The following SIM1 variants were observed in gnomAD, a reference collection of about 807,000 sequenced individuals.
SIM1 encodes the protein SIM bHLH transcription factor 1, also known as single-minded homolog 1.
In SIM1, 18 loss-of-function variants were observed where a neutral mutation model predicts 78.2. The ratio of observed to expected loss-of-function variants is 0.23; its 90% CI spans 0.16 to 0.34. The LOEUF (loss-of-function observed/expected upper bound fraction) is 0.34. Among genes scored for constraint, SIM1 ranks in the 10% least tolerant of loss-of-function variants. The pLI is 1.00. For synonymous variants in SIM1, 417 were observed against 385.2 expected (o/e 1.08, Z -0.97); for missense variants, 939 against 975.1 (o/e 0.96, Z 0.49).
chr6:100,412,563 GA>G (rs771901483), intron 10 of SIM1, among the ~76,000 whole-genome samples: 1 of 45,918 alleles, frequency 2.2e-5, no homozygotes, highest in Non-Finnish European at 4.2e-5. Context: ...AGAAAAGAAA[GA>G]AAGAAAGAAA....
intron 4 of SIM1, 86 bp downstream of exon 4, chr6:100,450,181 C>T (rs1447238243): frequency 2.4e-5 from 26 of 1,090,350 alleles, no homozygotes; most frequent in Non-Finnish European, 3.5e-5. Context: ...TAGAGAAGCA[C>T]ACCCAGCCCC....
At chr6:100,395,262 C>T (rs1158750223) in intron 10 of SIM1, among the ~76,000 whole-genome samples, 4 of 151,068 alleles carry the variant, frequency 2.6e-5, no homozygotes, top group Non-Finnish European at 5.9e-5. Context: ...ATTCCATATA[C>T]ATTCCATATA....
At chr6:100,397,273 C>A (rs1270022438) in intron 10 of SIM1, among the ~76,000 whole-genome samples, 1 of 152,192 alleles carries the variant, frequency 6.6e-6, no homozygotes, top group Non-Finnish European at 1.5e-5. Flanking sequence ...TAATCTGGAT[C>A]TGTCCACATA....
chr6:100,416,386 C>A (rs1260316865), intron 10 of SIM1, among the ~76,000 whole-genome samples: 1 of 152,124 alleles, frequency 6.6e-6, no homozygotes. Context: ...ATGCCTAATA[C>A]ATATTAGAGC....
chr6:100,390,792 G>C lies in SIM1; in HGVS notation c.1870C>G (p.Leu624Val), dbSNP rs773932645. ...TGGTCACATGGTGAAGTGTTGGCAAGAGCAGAGCCATGGCAGACTTCACCT... is the reference window on the plus strand; with the variant it reads ...TGGTCACATGGTGAAGTGTTGGCAACAGCAGAGCCATGGCAGACTTCACCT... ...PTGEVCHGSALANTSPCDHIQ... is the reference protein window; with the variant it reads ...PTGEVCHGSAVANTSPCDHIQ... Residue 624 changes from leucine (L) to valine (V), a missense_variant, in exon 12 of 12, where the codon CTT becomes GTT. Coordinates refer to ENST00000369208, the MANE Select transcript of SIM1 (RefSeq NM_005068.3). The C allele has an allele frequency of 4.3e-6, 7 of 1,614,080 alleles. No homozygotes were observed. The highest frequency in any genetic ancestry group is 5.9e-6 in the Non-Finnish European group (7 of 1,180,038).
At chr6:100,447,106 A>G (rs1489022522) in intron 9 of SIM1, among the ~76,000 whole-genome samples, 162 bp downstream of exon 9, 1 of 152,256 alleles carries the variant, frequency 6.6e-6, no homozygotes, top group Non-Finnish European at 1.5e-5. Flanking sequence ...CAAAAAGATG[A>G]AAGTGTTCGA....
At chr6:100,433,533 T>C (rs998519486) in intron 9 of SIM1, among the ~76,000 whole-genome samples, 4 of 152,176 alleles carry the variant, frequency 2.6e-5, no homozygotes, top group Non-Finnish European at 5.9e-5. Flanking sequence ...ATTATATGAC[T>C]TTTTTATTTC....
At chr6:100,440,328 A>C (rs2114530132) in intron 9 of SIM1, among the ~76,000 whole-genome samples, 1 of 152,352 alleles carries the variant, frequency 6.6e-6, no homozygotes, top group Non-Finnish European at 1.5e-5. Context: ...ACCCAGGCCC[A>C]TCTGGCACTA....
chr6:100,440,143 T>TA (rs1772170670), intron 9 of SIM1, among the ~76,000 whole-genome samples: 1 of 152,212 alleles, frequency 6.6e-6, no homozygotes, highest in Non-Finnish European at 1.5e-5. Flanking sequence ...GGCACCTGCT[T>TA]TCTGTCAGAT....
At chr6:100,396,933 A>C (rs992656196) in intron 10 of SIM1, among the ~76,000 whole-genome samples, 2 of 152,232 alleles carry the variant, frequency 1.3e-5, no homozygotes, top group African/African-American at 4.8e-5. Flanking sequence ...GACTTTATCT[A>C]ACTTGTCTTT....
At chr6:100,408,073 CT>C (rs558413875) in intron 10 of SIM1, among the ~76,000 whole-genome samples, 6 of 152,134 alleles carry the variant, frequency 3.9e-5, no homozygotes, top group African/African-American at 1.4e-4. Flanking sequence ...TGTCAAGGAG[CT>C]TTTTCCCTAT....
chr6:100,405,932 C>T (rs1256845008), intron 10 of SIM1, among the ~76,000 whole-genome samples: 2 of 152,142 alleles, frequency 1.3e-5, no homozygotes, highest in Admixed American at 6.6e-5. Context: ...TGGAGAGAGT[C>T]GTTCCCAAAC....
At chr6:100,409,254 T>C (rs1435519726) in intron 10 of SIM1, among the ~76,000 whole-genome samples, 6 of 152,180 alleles carry the variant, frequency 3.9e-5, no homozygotes, top group Admixed American at 2.0e-4. Flanking sequence ...TTCTGTGCCT[T>C]AATGATTCAG....
intron 10 of SIM1, among the ~76,000 whole-genome samples, chr6:100,405,639 C>G (rs1222303302): frequency 2.0e-5 from 3 of 152,056 alleles, no homozygotes; most frequent in Non-Finnish European, 4.4e-5. Flanking sequence ...TGTAAATTCT[C>G]TGATATATTT....
intron 9 of SIM1, among the ~76,000 whole-genome samples, chr6:100,428,520 C>CA (rs1752452432): frequency 6.6e-6 from 1 of 151,852 alleles, no homozygotes; most frequent in East Asian, 1.9e-4. Context: ...TTCAAATTAG[C>CA]AAAAAATTTT....
intron 6 of SIM1, 24 bp downstream of exon 6, chr6:100,449,339 G>A (rs929077701): frequency 6.2e-7 from 1 of 1,602,924 alleles, no homozygotes; most frequent in Non-Finnish European, 8.5e-7. Context: ...GACTCCACCC[G>A]GAGCGGATCT....
intron 9 of SIM1, among the ~76,000 whole-genome samples, chr6:100,432,291 G>A (rs1385820677): frequency 6.6e-6 from 1 of 152,190 alleles, no homozygotes; most frequent in Non-Finnish European, 1.5e-5. Flanking sequence ...ACAGCTTGCT[G>A]GGCTGTTTCC....
chr6:100,412,652 A>AG (rs1562239859), intron 10 of SIM1, among the ~76,000 whole-genome samples: 2 of 120,778 alleles, frequency 1.7e-5, no homozygotes, highest in African/African-American at 6.3e-5. Context: ...AAAGAAAGAA[A>AG]GAAAGAGAGA....
At chr6:100,427,388 C>T (rs1016648333) in intron 9 of SIM1, 2 of 152,200 alleles carry the variant, frequency 1.3e-5, no homozygotes, top group African/African-American at 4.8e-5. Flanking sequence ...TTTGGTTTTA[C>T]ATAAACATAC....
Sources: allele counts gnomAD v4.1 joint callset (sites outside exome capture counted in the v4.1 genomes callset), GRCh38; gene constraint gnomAD v4.1.1; transcripts MANE v1.5; gene names NCBI Gene and HGNC (gene_info 2026-07-23, HGNC 2026-07-21).